P2RX5: variants seen among roughly 807,000 people sequenced by gnomAD.
The protein encoded by P2RX5 is purinergic receptor P2X 5.
Under a neutral mutation model 54.1 loss-of-function variants are expected in P2RX5, and 46 were observed. The observed-to-expected ratio is 0.85, with a 90% CI of 0.67 to 1.09. The LOEUF (loss-of-function observed/expected upper bound fraction) is 1.09. Among genes scored for constraint, P2RX5 ranks in the 50% least tolerant of loss-of-function variants. The pLI is 0.00. For synonymous variants in P2RX5, 226 were observed against 226.4 expected (o/e 1.00, Z 0.02); for missense variants, 566 against 549.8 (o/e 1.03, Z -0.29).
chr17:3,723,136 TAAGGAA>T, the P2RX5 span: 2 of 600,086 alleles, frequency 3.3e-6, no homozygotes, highest in East Asian at 2.9e-5. Flanking sequence ...TGAGGGTAGC[TAAGGAA>T]CGGGTTGGGA....
the P2RX5 span, among the ~76,000 whole-genome samples, chr17:3,715,151 A>ATC: frequency 6.6e-6 from 1 of 152,130 alleles, no homozygotes; most frequent in Non-Finnish European, 1.5e-5. Flanking sequence ...AACTGACTCC[A>ATC]CCTTCCTCTG....
rs2737105 is a variant in P2RX5 at position 3,685,864 on chromosome 17, C to G, written c.981+2148G>C. Among the ~76,000 whole-genome samples, 61 of 17,930 alleles carry G rather than the reference C, an allele frequency of 3.4e-3. 1 individual carries two copies. The highest frequency in any genetic ancestry group is 9.1e-3 in the African/African-American group (39 of 4,298). The allele number at this position is 17,930 out of a possible 152,430, so 11.8% of individuals were successfully genotyped here. On this transcript the variant is annotated intron_variant, in intron 9 of 11. Transcript: ENST00000225328. ...CGTCCCCCGCCCCCCCGCCCAGCCT[C>G]AGAACAGGAGAACGCACAGCGGGGC...
At chr17:3,715,548 T>C in the P2RX5 span, among the ~76,000 whole-genome samples, 3 of 152,074 alleles carry the variant, frequency 2.0e-5, no homozygotes, top group African/African-American at 7.2e-5. Flanking sequence ...ATTTAGGGAA[T>C]AGTTTGACTT....
the P2RX5 span, among the ~76,000 whole-genome samples, chr17:3,711,994 T>C: frequency 1.1e-5 from 1 of 91,510 alleles, no homozygotes; most frequent in Non-Finnish European, 2.3e-5. Flanking sequence ...TCAGCACGAC[T>C]CAGTAAGTCA....
intron 11 of P2RX5, among the ~76,000 whole-genome samples, chr17:3,678,434 C>T (rs951998737): frequency 7.9e-5 from 12 of 152,238 alleles, no homozygotes; most frequent in Admixed American, 7.2e-4. Flanking sequence ...ACAAGCCAGG[C>T]CGTCGGGCTT....
At chr17:3,689,669 A>C in intron 6 of P2RX5, 39 bp from the exon 7 acceptor site, 2 of 1,613,528 alleles carry the variant, frequency 1.2e-6, no homozygotes, top group Middle Eastern at 1.7e-4. Context: ...ATGAAGTAAG[A>C]CTTGATGTTT....
chr17:3,689,067 C>G (rs763646751), intron 7 of P2RX5, among the ~76,000 whole-genome samples: 1 of 152,268 alleles, frequency 6.6e-6, no homozygotes, highest in Non-Finnish European at 1.5e-5. Flanking sequence ...TCACCTTCGG[C>G]TGGTGCCCCA....
chr17:3,696,123 T>G lies in P2RX5; in HGVS notation c.-118A>C. 1 of 1,158,026 alleles carries G rather than the reference T, an allele frequency of 8.6e-7. No homozygotes were observed. Among genetic ancestry groups the G allele is most frequent in the Non-Finnish European group, 1.1e-6 (1 of 875,548 alleles). The allele number at this position is 1,158,026 out of a possible 1,614,324, so 71.7% of individuals were successfully genotyped here. A position where few individuals can be genotyped will look rare whatever the true frequency, so the allele number is the denominator to read the frequency against. On this transcript the variant is annotated 5_prime_UTR_variant, in exon 1 of 12. Transcript: ENST00000225328. ...CTCGGCCCGTCTGCGCCCGCTCAGC[T>G]GCAGCCCGGGGTGTCCGGCAGGGCT...
intron 11 of P2RX5, chr17:3,675,789 G>A (rs2050089628): frequency 1.1e-6 from 1 of 880,020 alleles, no homozygotes; most frequent in Admixed American, 6.2e-5. Flanking sequence ...CTGACCTCGT[G>A]ATCCACCCGC....
chr17:3,690,340 C>A (rs1025986345), intron 5 of P2RX5, 87 bp downstream of exon 5: 5 of 1,204,062 alleles, frequency 4.2e-6, no homozygotes, highest in Non-Finnish European at 6.0e-6. Flanking sequence ...GTGAGGCTCC[C>A]AGAGTGGGCA....
intron 11 of P2RX5, chr17:3,677,034 C>T (rs2142994990): frequency 2.1e-6 from 2 of 959,590 alleles, no homozygotes; most frequent in Non-Finnish European, 2.5e-6. Flanking sequence ...TGCACTCCAG[C>T]CTGGGTGACA....
chr17:3,695,827 C>CG, intron 1 of P2RX5, 42 bp downstream of exon 1: 1 of 1,593,644 alleles, frequency 6.3e-7, no homozygotes, highest in Non-Finnish European at 8.6e-7. Context: ...GGCACCCGCC[C>CG]TGCCCCTCCC....
At chr17:3,708,076 A>C in the P2RX5 span, among the ~76,000 whole-genome samples, 1 of 151,466 alleles carries the variant, frequency 6.6e-6, no homozygotes, top group African/African-American at 2.4e-5. Context: ...AAAAAAAAAA[A>C]AAAACACCAG....
At chr17:3,718,358 A>C in the P2RX5 span, 1 of 152,244 alleles carries the variant, frequency 6.6e-6, no homozygotes, top group Non-Finnish European at 1.5e-5. Flanking sequence ...GTATCCTGCC[A>C]TGTGAAAATA....
the P2RX5 span, among the ~76,000 whole-genome samples, chr17:3,710,062 C>T: frequency 3.9e-5 from 6 of 151,942 alleles, no homozygotes; most frequent in African/African-American, 1.5e-4. Context: ...CCCAGAAAAT[C>T]TTAACCAAAT....
the P2RX5 span, among the ~76,000 whole-genome samples, chr17:3,712,323 G>C: frequency 6.6e-6 from 1 of 152,150 alleles, no homozygotes; most frequent in African/African-American, 2.4e-5. Context: ...GAAGCAGATG[G>C]TGCCCAACAG....
the P2RX5 span, chr17:3,720,336 C>T: frequency 1.9e-6 from 3 of 1,589,008 alleles, no homozygotes; most frequent in South Asian, 2.2e-5. Context: ...GCATTCAGTC[C>T]CTCATATAGA....
chr17:3,694,274 C>T (rs2050697245), intron 1 of P2RX5, among the ~76,000 whole-genome samples: 1 of 139,158 alleles, frequency 7.2e-6, no homozygotes, highest in East Asian at 2.3e-4. Context: ...TTCATTTATA[C>T]GAAATACCCA....
chr17:3,680,862 A>C (rs1198069558), intron 10 of P2RX5, among the ~76,000 whole-genome samples: 2,031 of 28,578 alleles, frequency 0.071, no homozygotes, highest in Middle Eastern at 0.12. Flanking sequence ...CTCCACCCTG[A>C]GTCCTCCACC....
Sources: gnomAD v4.1 joint callset for allele counts (sites outside exome capture counted in the v4.1 genomes callset) on GRCh38, gnomAD v4.1.1 for gene constraint, MANE v1.5 for transcripts, NCBI Gene and HGNC (gene_info 2026-07-23, HGNC 2026-07-21) for gene names.